COLEC10: variants seen among roughly 807,000 people sequenced by gnomAD.
COLEC10 encodes collectin-10.
COLEC10 carries 22 observed loss-of-function variants against 28.4 expected under a neutral mutation model. The ratio of observed to expected loss-of-function variants is 0.78; its 90% CI spans 0.55 to 1.11. The LOEUF (loss-of-function observed/expected upper bound fraction) is 1.11. Ranked by LOEUF, COLEC10 falls within the 50% of genes least tolerant of loss-of-function variation. The pLI is 0.00. For synonymous variants in COLEC10, 125 were observed against 116.1 expected (o/e 1.08, Z -0.49); for missense variants, 361 against 344.1 (o/e 1.05, Z -0.39).
chr8:119,072,237 A>T (rs561905695), intron 1 of COLEC10, among the ~76,000 whole-genome samples: 2 of 151,668 alleles, frequency 1.3e-5, no homozygotes, highest in Non-Finnish European at 2.9e-5. Flanking sequence ...ACCACATCCA[A>T]TGGGGTGACA....
At chr8:119,089,633 G>A (rs959115142) in intron 1 of COLEC10, 47 bp from the exon 2 acceptor site, 1 of 1,455,670 alleles carries the variant, frequency 6.9e-7, no homozygotes. Flanking sequence ...ATGTGCTCAT[G>A]TTACTGTTTG....
In COLEC10 at chr8:119,091,998, T is replaced by C. The variant is rs557858186; in HGVS notation, c.292+778T>C. 4.6e-5 allele frequency among the ~76,000 whole-genome samples: 7 copies of C among 152,208 alleles called. No homozygotes were observed. In the East Asian group the frequency reaches 7.7e-4, roughly 17 times the overall value. The stretch of plus-strand genomic sequence containing the variant: ...GGATTAACCAAAAATTCTGTGCCTA[T>C]GATCTATTAACAGGATAGAAACTTG... On this transcript the variant is annotated intron_variant, in intron 3 of 5. Coordinates refer to ENST00000332843, the MANE Select transcript of COLEC10 (RefSeq NM_006438.5).
chr8:118,984,287 A>G, the COLEC10 span, among the ~76,000 whole-genome samples: 1 of 152,058 alleles, frequency 6.6e-6, no homozygotes, highest in Non-Finnish European at 1.5e-5. Context: ...AATAATGAGA[A>G]CACGTGGACA....
the COLEC10 span, among the ~76,000 whole-genome samples, chr8:118,973,071 G>A: frequency 6.6e-6 from 1 of 151,878 alleles, no homozygotes; most frequent in South Asian, 2.1e-4. Flanking sequence ...ATGACATGTG[G>A]GGACTATGGG....
At position 119,000,599 on chromosome 8, in the gene COLEC10, A is replaced by G. The variant is rs181151623; in HGVS notation, n.122+5026A>G. ...AACATGGAGTCTAAGCAGGAAAAGA[A>G]GCACAATAAAGATGTGAGAGGGTGA... On this transcript the variant is annotated intron_variant and non_coding_transcript_variant, in intron 1 of 6. Transcript: ENST00000521788. Among the ~76,000 whole-genome samples, 20 of 152,328 alleles carry G rather than the reference A, an allele frequency of 1.3e-4. No individual in the cohort carries two copies. In the East Asian group the frequency reaches 3.9e-3, roughly 29 times the overall value.
chr8:119,097,679 G>T (rs530953904), intron 3 of COLEC10, among the ~76,000 whole-genome samples: 1 of 151,970 alleles, frequency 6.6e-6, no homozygotes, highest in Non-Finnish European at 1.5e-5. Flanking sequence ...TATCAACTTC[G>T]TTAAACCACT....
intron 1 of COLEC10, among the ~76,000 whole-genome samples, chr8:119,083,140 T>C (rs1368437240): frequency 6.6e-6 from 1 of 152,168 alleles, no homozygotes; most frequent in African/African-American, 2.4e-5. Context: ...CATAGACCCA[T>C]GTAACAGGAA....
chr8:119,069,776 G>T (rs1227733044), intron 1 of COLEC10, among the ~76,000 whole-genome samples: 1 of 150,812 alleles, frequency 6.6e-6, no homozygotes, highest in African/African-American at 2.4e-5. Flanking sequence ...AGAATAGTAT[G>T]ATGGTTAAGT....
chr8:118,972,325 G>C, the COLEC10 span, among the ~76,000 whole-genome samples: 1 of 151,914 alleles, frequency 6.6e-6, no homozygotes, highest in Middle Eastern at 3.2e-3. Context: ...TCCATTCTTG[G>C]CTCCGAGAGC....
intron 2 of COLEC10, among the ~76,000 whole-genome samples, chr8:119,041,049 T>C (rs529068277): frequency 1.3e-4 from 20 of 152,304 alleles, no homozygotes; most frequent in Non-Finnish European, 2.2e-4. Flanking sequence ...TTAGTGTGCC[T>C]GGACATAACT....
At chr8:118,983,927 G>C in the COLEC10 span, among the ~76,000 whole-genome samples, 1 of 152,120 alleles carries the variant, frequency 6.6e-6, no homozygotes, top group Non-Finnish European at 1.5e-5. Context: ...GCAGTTTGAT[G>C]ATTCCTCAAA....
intron 1 of COLEC10, among the ~76,000 whole-genome samples, chr8:119,003,168 A>G (rs1397253800): frequency 6.6e-6 from 1 of 152,140 alleles, no homozygotes; most frequent in Non-Finnish European, 1.5e-5. Context: ...AGACATGTAT[A>G]AGTCTTTATT....
At chr8:119,023,005 C>G (rs574463225) in intron 2 of COLEC10, among the ~76,000 whole-genome samples, 61 of 152,248 alleles carry the variant, frequency 4.0e-4, no homozygotes, top group African/African-American at 1.3e-3. Flanking sequence ...CTTACTTACT[C>G]CACTGGAAGC....
At chr8:118,977,666 G>A in the COLEC10 span, among the ~76,000 whole-genome samples, 1 of 147,938 alleles carries the variant, frequency 6.8e-6, no homozygotes, top group East Asian at 2.1e-4. Context: ...CGAGTTAGTG[G>A]GTGCAGCACA....
the COLEC10 span, among the ~76,000 whole-genome samples, chr8:118,964,016 A>C: frequency 1.3e-5 from 2 of 152,182 alleles, no homozygotes; most frequent in Admixed American, 1.3e-4. Context: ...AGATGGAAAA[A>C]GTGAAAATGT....
chr8:119,032,870 G>T (rs933307006), intron 2 of COLEC10, among the ~76,000 whole-genome samples: 3 of 152,158 alleles, frequency 2.0e-5, no homozygotes, highest in African/African-American at 2.4e-5. Context: ...CCTCTGCACC[G>T]GAGCCTGGGC....
intron 2 of COLEC10, among the ~76,000 whole-genome samples, chr8:119,037,947 T>A (rs185992998): frequency 6.6e-6 from 1 of 152,360 alleles, no homozygotes; most frequent in Admixed American, 6.5e-5. Flanking sequence ...TTGGACCCTA[T>A]CTCTTGCATC....
intron 2 of COLEC10, among the ~76,000 whole-genome samples, chr8:119,051,867 G>A (rs566266202): frequency 1.3e-5 from 2 of 152,230 alleles, no homozygotes; most frequent in South Asian, 4.1e-4. Context: ...TTAGATTCAG[G>A]CTTTGGGGCT....
the COLEC10 span, among the ~76,000 whole-genome samples, chr8:118,956,985 A>T: frequency 6.6e-6 from 1 of 152,296 alleles, no homozygotes; most frequent in East Asian, 1.9e-4. Context: ...TACAAGAGTG[A>T]ATTCCTTCCT....
Sources: gnomAD v4.1 joint callset for allele counts (sites outside exome capture counted in the v4.1 genomes callset) on GRCh38, gnomAD v4.1.1 for gene constraint, MANE v1.5 for transcripts, NCBI Gene and HGNC (gene_info 2026-07-23, HGNC 2026-07-21) for gene names.